The following HNF1B variants were observed in gnomAD, a reference collection of about 807,000 sequenced individuals.
The protein encoded by HNF1B is HNF1 homeobox B.
In HNF1B, 8 loss-of-function variants were observed where a neutral mutation model predicts 61.7. That is an observed-to-expected ratio of 0.13 (90% confidence interval 0.08 to 0.23). The LOEUF is 0.23. HNF1B is among the 10% of genes least tolerant of loss of function. The probability of loss-of-function intolerance (pLI) is 1.00; values close to 1 mark genes in which losing one functional copy is unlikely to be tolerated. For synonymous variants in HNF1B, 314 were observed against 287.7 expected (o/e 1.09, Z -0.93); for missense variants, 562 against 714.5 (o/e 0.79, Z 2.43).
In HNF1B at chr17:37,715,212, A is replaced by AT. The variant is rs560915128; in HGVS notation, c.1046-4550dup. Among the ~76,000 whole-genome samples, 51 of 152,046 alleles carry AT rather than the reference A, an allele frequency of 3.4e-4. No individual in the cohort carries two copies. The South Asian group carries it at 1.0e-2, about 30-fold the overall frequency. On this transcript the variant is annotated intron_variant, in intron 4 of 8. Coordinates refer to ENST00000617811, the MANE Select transcript of HNF1B (RefSeq NM_000458.4). ...CAGTCACCCTGCATGCACGCTGATG[A>AT]TATGTTTACTTTTCTCTGCCTCTTA...
chr17:37,733,341 T>C (rs1384668202), intron 3 of HNF1B, among the ~76,000 whole-genome samples: 1 of 152,198 alleles, frequency 6.6e-6, no homozygotes, highest in Non-Finnish European at 1.5e-5. Flanking sequence ...ACCTTTAATA[T>C]ATGTTGTGAC....
chr17:37,699,848 T>C (rs886808337), intron 7 of HNF1B, among the ~76,000 whole-genome samples: 1 of 152,172 alleles, frequency 6.6e-6, no homozygotes, highest in Non-Finnish European at 1.5e-5. Context: ...GCCCTGAAGA[T>C]AGAAGGCTGG....
intron 1 of HNF1B, among the ~76,000 whole-genome samples, chr17:37,744,227 C>A (rs1011913770): frequency 2.0e-5 from 3 of 152,230 alleles, no homozygotes; most frequent in Non-Finnish European, 4.4e-5. Flanking sequence ...CACCTTCAGT[C>A]GCGTGGGCAA....
intron 8 of HNF1B, among the ~76,000 whole-genome samples, chr17:37,695,681 A>G (rs2032360925): frequency 6.6e-6 from 1 of 152,238 alleles, no homozygotes; most frequent in Non-Finnish European, 1.5e-5. Flanking sequence ...ATCAAGGATT[A>G]TTTTGGAGCT....
Position 37,744,569 on chromosome 17 carries a change from G to T in HNF1B, c.316C>A (p.Gln106Lys). The change falls in exon 1 of 9, where the codon CAG (glutamine) becomes AAG (lysine). Residue 106 changes from glutamine (Q) to lysine (K), a missense_variant. Gln to Lys is a moderately conservative substitution (Grantham distance 53). Around this residue, in one of 6 missense-constraint regions of HNF1B, gnomAD observed 148 missense variants for 147.3 expected, o/e 1.00. Transcript: ENST00000617811. ...AGCATCCGGTCCACCTCCGCCCGCT[G>T]CTCCGCCGCCTCCTCGGTGTTGAGC... ...QALNTEEAAE[Q>K]RAEVDRMLSE... 1 of 1,605,344 alleles carries T rather than the reference G, an allele frequency of 6.2e-7. No individual in the cohort carries two copies.
chr17:37,744,400 G>C, intron 1 of HNF1B, 141 bp downstream of exon 1: 1 of 809,426 alleles, frequency 1.2e-6, no homozygotes, highest in South Asian at 1.6e-5. Flanking sequence ...CCGGGTGTTG[G>C]GAGAGAAGCA....
intron 6 of HNF1B, among the ~76,000 whole-genome samples, chr17:37,702,931 G>A (rs1016451823): frequency 6.6e-6 from 1 of 152,172 alleles, no homozygotes. Context: ...TTCTGTTTCT[G>A]GGCACTGGTT....
At chr17:37,688,380 AACACACACACACACACACAC>A (rs5820230) in intron 8 of HNF1B, among the ~76,000 whole-genome samples, 6 of 136,104 alleles carry the variant, frequency 4.4e-5, no homozygotes, top group South Asian at 2.5e-4. Context: ...GATCCCCCCA[AACACACACACACACACACAC>A]ACACACACAC....
At position 37,744,664 on chromosome 17, in the gene HNF1B, A is replaced by C. The variant is rs193922486; in HGVS notation, c.221T>G (p.Leu74Trp). ...TLTNGHAKGR[L>W]SGDEGSEDGD... is the part of the protein sequence containing the mutation. ...GTCCTCGGAGCCCTCGTCGCCGGAC[A>C]AGCGGCCCTTGGCGTGGCCGTTGGT... The change falls in exon 1 of 9, where the codon TTG (leucine) becomes TGG (tryptophan). Residue 74 changes from leucine to tryptophan, a missense_variant. By Grantham distance (61) the Leu-to-Trp change is moderately conservative (BLOSUM62 -2). Around this residue, in one of 6 missense-constraint regions of HNF1B, gnomAD observed 148 missense variants for 147.3 expected, o/e 1.00. Coordinates refer to ENST00000617811, the MANE Select transcript of HNF1B (RefSeq NM_000458.4). The C allele has an allele frequency of 2.5e-5, 40 of 1,613,306 alleles. No homozygotes were observed. Among genetic ancestry groups the C allele is most frequent in the Non-Finnish European group, 3.1e-5 (36 of 1,180,030 alleles).
At chr17:37,731,861 GA>G (rs778425493) in intron 3 of HNF1B, 31 bp from the exon 4 acceptor site, 12 of 1,446,028 alleles carry the variant, frequency 8.3e-6, no homozygotes, top group South Asian at 7.0e-5. Context: ...GATGGTGAGT[GA>G]GGGGGGGCGG....
intron 8 of HNF1B, among the ~76,000 whole-genome samples, chr17:37,689,873 G>C (rs1336289548): frequency 6.6e-6 from 1 of 152,176 alleles, no homozygotes; most frequent in African/African-American, 2.4e-5. Flanking sequence ...TAACACGTTT[G>C]AGTGCCTACT....
intron 2 of HNF1B, among the ~76,000 whole-genome samples, chr17:37,737,610 A>C (rs2033868735): frequency 6.6e-6 from 1 of 151,790 alleles, no homozygotes; most frequent in Admixed American, 6.6e-5. Context: ...GCGGATCACG[A>C]GGTCAGGAGA....
At chr17:37,687,902 A>T (rs1457121834) in intron 8 of HNF1B, among the ~76,000 whole-genome samples, 1 of 152,134 alleles carries the variant, frequency 6.6e-6, no homozygotes, top group Non-Finnish European at 1.5e-5. Context: ...CCTGGGGTGC[A>T]CCTAAGAGTC....
Position 37,744,597 on chromosome 17 carries a change from C to G in HNF1B, c.288G>C (p.Gln96His). Residue 96 changes from glutamine to histidine, a missense_variant, in exon 1 of 9, where the codon CAG becomes CAC. Gln to His is a conservative substitution (Grantham distance 24). Transcript: ENST00000617811. Reference protein sequence around the residue: ...YDTPPILKELQALNTEEAAEQ... With the variant: ...YDTPPILKELHALNTEEAAEQ... The stretch of plus-strand genomic sequence containing the variant: ...CCGCCGCCTCCTCGGTGTTGAGCGC[C>G]TGCAGCTCCTTGAGGATGGGAGGTG... 1 of 1,608,820 alleles carries G rather than the reference C, an allele frequency of 6.2e-7. No individual in the cohort carries two copies. Among genetic ancestry groups the G allele is most frequent in the East Asian group, 2.2e-5 (1 of 44,874 alleles).
At chr17:37,719,551 C>T (rs1181889564) in intron 4 of HNF1B, among the ~76,000 whole-genome samples, 2 of 152,222 alleles carry the variant, frequency 1.3e-5, no homozygotes, top group Non-Finnish European at 2.9e-5. Context: ...ACAGAGTGCC[C>T]TTCTGCAGTC....
intron 2 of HNF1B, among the ~76,000 whole-genome samples, chr17:37,738,721 C>T (rs1180612249): frequency 6.6e-6 from 1 of 152,206 alleles, no homozygotes; most frequent in Non-Finnish European, 1.5e-5. Flanking sequence ...TGGGAGAAAT[C>T]TTGGGACAGA....
intron 5 of HNF1B, among the ~76,000 whole-genome samples, chr17:37,706,984 T>A (rs1359588464): frequency 6.6e-6 from 1 of 152,226 alleles, no homozygotes; most frequent in African/African-American, 2.4e-5. Context: ...ACTATTTCTA[T>A]GTCACTTGAC....
chr17:37,697,384 G>A (rs549146201), intron 8 of HNF1B, among the ~76,000 whole-genome samples: 1 of 152,304 alleles, frequency 6.6e-6, no homozygotes, highest in South Asian at 2.1e-4. Context: ...CAGCTTCAAG[G>A]TTGGCTGGCC....
At chr17:37,700,560 T>G (rs751856996) in intron 7 of HNF1B, among the ~76,000 whole-genome samples, 84 of 152,208 alleles carry the variant, frequency 5.5e-4, no homozygotes, top group Non-Finnish European at 9.3e-4. Flanking sequence ...AGGATGCAAA[T>G]TAGATGCCAA....
Sources: allele counts gnomAD v4.1 joint callset (sites outside exome capture counted in the v4.1 genomes callset), GRCh38; gene constraint gnomAD v4.1.1; regional missense constraint gnomAD v4.1.1; transcripts MANE v1.5; gene names NCBI Gene and HGNC (gene_info 2026-07-23, HGNC 2026-07-21).